TBL1X: variants seen among roughly 807,000 people sequenced by gnomAD.
The protein encoded by TBL1X is transducin beta like 1 X-linked, also known as F-box-like/WD repeat-containing protein TBL1X.
Under a neutral mutation model 50.7 loss-of-function variants are expected in TBL1X, and 10 were observed. The ratio of observed to expected loss-of-function variants is 0.20; its 90% confidence interval spans 0.12 to 0.33. TBL1X has a LOEUF of 0.33. Among genes scored for constraint, TBL1X ranks in the 10% least tolerant of loss-of-function variants. The pLI is 1.00. For synonymous variants in TBL1X, 190 were observed against 214.7 expected (o/e 0.88, Z 1.01); for missense variants, 340 against 504.4 (o/e 0.67, Z 3.12).
intron 3 of TBL1X, among the ~76,000 whole-genome samples, chrX:9,652,038 G>T (rs771665341): frequency 1.8e-4 from 20 of 112,089 alleles, no homozygotes; most frequent in African/African-American, 6.5e-4. Context: ...GTCCCACAAG[G>T]CTTGGTCCGG....
intron 1 of TBL1X, among the ~76,000 whole-genome samples, chrX:9,489,336 G>A (rs937777680): frequency 1.6e-4 from 18 of 111,817 alleles, no homozygotes; most frequent in Non-Finnish European, 3.4e-4. Context: ...GGAGTTAAGG[G>A]ACAGAAGACT....
At chrX:9,528,596 C>G (rs1010388549) in intron 2 of TBL1X, among the ~76,000 whole-genome samples, 1 of 108,326 alleles carries the variant, frequency 9.2e-6, no homozygotes, top group African/African-American at 3.4e-5. Context: ...GGGCAGGTGA[C>G]CCGCAGCTGC....
chrX:9,495,292 G>A (rs960291261), intron 1 of TBL1X, among the ~76,000 whole-genome samples: 3 of 111,574 alleles, frequency 2.7e-5, no homozygotes, highest in Non-Finnish European at 5.6e-5. Flanking sequence ...AATTGTCGAG[G>A]GCGGAGGAGC....
At chrX:9,536,926 C>T (rs781677691) in intron 2 of TBL1X, among the ~76,000 whole-genome samples, 5 of 112,113 alleles carry the variant, frequency 4.5e-5, no homozygotes, top group Non-Finnish European at 9.4e-5. Flanking sequence ...AAAGCGTTTA[C>T]AAAAGGCTTT....
chrX:9,640,520 C>CAAGG (rs2082770152), intron 3 of TBL1X, among the ~76,000 whole-genome samples, 160 bp downstream of exon 3: 1 of 112,605 alleles, frequency 8.9e-6, no homozygotes, highest in South Asian at 3.7e-4. Flanking sequence ...AGGTAGTAGA[C>CAAGG]AGACAATCAT....
chrX:9,516,197 A>T (rs1250191750), intron 2 of TBL1X, among the ~76,000 whole-genome samples: 2 of 111,519 alleles, frequency 1.8e-5, no homozygotes, highest in African/African-American at 6.5e-5. Context: ...TGTTGCCACA[A>T]TTAAGAACCA....
At chrX:9,588,781 T>G (rs111567169) in intron 2 of TBL1X, among the ~76,000 whole-genome samples, 1 of 110,192 alleles carries the variant, frequency 9.1e-6, no homozygotes, top group South Asian at 4.0e-4. Context: ...TTTTGTATTT[T>G]TAGTAGAGAC....
intron 1 of TBL1X, among the ~76,000 whole-genome samples, chrX:9,492,838 GGTGTGTGTGTGTGTGTGT>G (rs774050435): frequency 1.2e-3 from 66 of 57,002 alleles, no homozygotes; most frequent in Non-Finnish European, 1.8e-3. Flanking sequence ...GGGGCTAGAG[GGTGTGTGTGTGTGTGTGT>G]GTGTGTGTGT....
At chrX:9,682,161 GT>G (rs1278200406) in intron 5 of TBL1X, among the ~76,000 whole-genome samples, 1 of 112,418 alleles carries the variant, frequency 8.9e-6, no homozygotes, top group African/African-American at 3.2e-5. Context: ...GAATAGAGTC[GT>G]TGGTGAACCC....
At chrX:9,473,660 G>A (rs1414168694) in intron 1 of TBL1X, among the ~76,000 whole-genome samples, 1 of 112,149 alleles carries the variant, frequency 8.9e-6, no homozygotes, top group Non-Finnish European at 1.9e-5. Context: ...ATTTGGGACA[G>A]TTCTGTCCCC....
At chrX:9,506,466 C>T (rs189678100) in intron 2 of TBL1X, among the ~76,000 whole-genome samples, 9 of 110,861 alleles carry the variant, frequency 8.1e-5, no homozygotes, top group African/African-American at 2.0e-4. Context: ...GAATCGAAGG[C>T]GATAGAGACG....
At chrX:9,509,547 G>C (rs1192141767) in intron 2 of TBL1X, among the ~76,000 whole-genome samples, 1 of 80,032 alleles carries the variant, frequency 1.2e-5, no homozygotes, top group Non-Finnish European at 2.2e-5. Context: ...TGTTAGTTAT[G>C]TGGTCATGGC....
intron 5 of TBL1X, among the ~76,000 whole-genome samples, chrX:9,672,320 C>T (rs2082964921): frequency 8.9e-6 from 1 of 112,055 alleles, no homozygotes; most frequent in Middle Eastern, 4.7e-3. Context: ...CAAGACTTGC[C>T]TGCTCTGAAA....
chrX:9,600,301 CT>C (rs1481886475), intron 2 of TBL1X, among the ~76,000 whole-genome samples: 1 of 109,366 alleles, frequency 9.1e-6, no homozygotes, highest in Non-Finnish European at 1.9e-5. Flanking sequence ...CATCTTTTTG[CT>C]GTGTTCTCAC....
At chrX:9,702,691 G>A (rs2083182205) in intron 12 of TBL1X, among the ~76,000 whole-genome samples, 1 of 111,115 alleles carries the variant, frequency 9.0e-6, no homozygotes, top group Non-Finnish European at 1.9e-5. Flanking sequence ...CCTGGCAGAA[G>A]CTAACCCTCT....
At chrX:9,636,144 G>T (rs977631939) in intron 2 of TBL1X, 1 of 111,890 alleles carries the variant, frequency 8.9e-6, no homozygotes, top group African/African-American at 3.3e-5. Flanking sequence ...AGGCCTGGGG[G>T]AGGAGGGAAT....
chrX:9,634,803 T>C (rs1346212286), intron 2 of TBL1X, among the ~76,000 whole-genome samples: 1 of 111,683 alleles, frequency 9.0e-6, no homozygotes, highest in African/African-American at 3.3e-5. Context: ...CCCTACTTAC[T>C]CTAAAACTCC....
intron 1 of TBL1X, among the ~76,000 whole-genome samples, chrX:9,488,191 C>T (rs1174914883): frequency 8.9e-6 from 1 of 112,053 alleles, no homozygotes; most frequent in Non-Finnish European, 1.9e-5. Flanking sequence ...ATTTCTTGTC[C>T]TACTGTGACA....
rs773354569 is a variant in TBL1X at position 9,665,387 on chromosome X, G to T, written c.211+11065G>T. 4.2e-4 allele frequency among the ~76,000 whole-genome samples: 41 copies of T among 97,709 alleles called. No homozygotes were observed. In the East Asian group the frequency reaches 0.01, roughly 24 times the overall value. 84.8% of individuals were successfully genotyped at this position (97,709 alleles called of 115,157 possible). A position where few individuals can be genotyped will look rare whatever the true frequency, so the allele number is the denominator to read the frequency against. On this transcript the variant is annotated intron_variant, in intron 5 of 17. Transcript: ENST00000645353. ...AACGGAAGAAATTATGACAGTGAGA[G>T]AAATCTGACATGGCTGACTCCATCT...
Sources: gnomAD v4.1 joint callset for allele counts (sites outside exome capture counted in the v4.1 genomes callset) on GRCh38, gnomAD v4.1.1 for gene constraint, MANE v1.5 for transcripts, NCBI Gene and HGNC (gene_info 2026-07-23, HGNC 2026-07-21) for gene names.